HPCAL1: variants seen among roughly 807,000 people sequenced by gnomAD.
The protein encoded by HPCAL1 is hippocalcin like 1, also known as hippocalcin-like protein 1.
Under a neutral mutation model 17.1 loss-of-function variants are expected in HPCAL1, and 8 were observed. The ratio of observed to expected loss-of-function variants is 0.47; its 90% CI spans 0.27 to 0.84. The LOEUF is 0.84. Among genes scored for constraint, HPCAL1 ranks in the 40% least tolerant of loss-of-function variants. HPCAL1 has a pLI of 0.13. For synonymous variants in HPCAL1, 112 were observed against 111.4 expected (o/e 1.01, Z -0.03); for missense variants, 165 against 271.1 (o/e 0.61, Z 2.75).
intron 2 of HPCAL1, among the ~76,000 whole-genome samples, chr2:10,416,419 C>T (rs56156675): frequency 0.28 from 42,822 of 152,010 alleles, 7,767 homozygotes; most frequent in African/African-American, 0.52. Context: ...GAGTCCAGAG[C>T]TCACCTGGGT....
chr2:10,352,228 CA>C (rs1331431319), intron 1 of HPCAL1, among the ~76,000 whole-genome samples: 1 of 152,132 alleles, frequency 6.6e-6, no homozygotes, highest in Non-Finnish European at 1.5e-5. Flanking sequence ...GTGTGAACCG[CA>C]AGTGTTCTGC....
At chr2:10,402,554 G>T (rs1669687155) in intron 2 of HPCAL1, among the ~76,000 whole-genome samples, 1 of 152,164 alleles carries the variant, frequency 6.6e-6, no homozygotes, top group Admixed American at 6.5e-5. Flanking sequence ...GTTAACTCCA[G>T]ACTGTAGCTG....
rs1668647555 is a variant in HPCAL1 at position 10,390,912 on chromosome 2, T to C, written c.-110-5923T>C. 2.0e-5 allele frequency among the ~76,000 whole-genome samples: 3 copies of C among 152,176 alleles called. No individual in the cohort carries two copies. In the South Asian group the frequency reaches 6.2e-4, roughly 32 times the overall value. On this transcript the variant is annotated intron_variant, in intron 1 of 4. Transcript: ENST00000307845. The stretch of plus-strand genomic sequence containing the variant: ...GGAGTTGAGCGGAGAGTTCCTCCAG[T>C]CTAAACTCCTTAGAGAACATGAATA...
chr2:10,343,644 T>C lies in HPCAL1; in HGVS notation c.-111+40467T>C, dbSNP rs926913298. Among the ~76,000 whole-genome samples the C allele has an allele frequency of 6.6e-6, 1 of 152,228 alleles. No individual in the cohort carries two copies. The stretch of plus-strand genomic sequence containing the variant: ...CACTGCTTTGACTGCAGACACTGGA[T>C]TGACCGTGGCCAATGCCAAGTCCAA... On this transcript the variant is annotated intron_variant, in intron 1 of 4. Transcript: ENST00000307845. This position sits in a 1 kb window ranked among gnomAD's most constrained non-coding sequence, Gnocchi z 4.8.
chr2:10,312,378 C>T (rs546523473), intron 1 of HPCAL1, among the ~76,000 whole-genome samples: 2 of 95,460 alleles, frequency 2.1e-5, no homozygotes, highest in African/African-American at 3.5e-5. Context: ...CCATCACCAC[C>T]GTCATTGCTG....
chr2:10,400,279 G>A (rs945492637), intron 2 of HPCAL1, among the ~76,000 whole-genome samples: 11 of 152,218 alleles, frequency 7.2e-5, no homozygotes, highest in Admixed American at 4.6e-4. Flanking sequence ...AGACAGGTGC[G>A]AGCAGCATCT....
intron 1 of HPCAL1, among the ~76,000 whole-genome samples, chr2:10,375,190 C>T (rs575017355): frequency 6.6e-6 from 1 of 152,388 alleles, no homozygotes; most frequent in South Asian, 2.1e-4. Flanking sequence ...CCTGCCCCAG[C>T]AGGCCCTGGC....
At position 10,342,658 on chromosome 2, in the gene HPCAL1, T is replaced by G. The variant is rs1665169807; in HGVS notation, c.-111+39481T>G. On this transcript the variant is annotated intron_variant, in intron 1 of 4. Coordinates refer to ENST00000307845, the MANE Select transcript of HPCAL1 (RefSeq NM_002149.4). This position sits in a 1 kb window ranked among gnomAD's most constrained non-coding sequence, Gnocchi z 4.1. Reference sequence around the variant, plus strand: ...GCTGGCTGGAGGAACCCCGTGTGTTTGCACTGTGCTCTGAGCTCCCTCTCA... The same window carrying G: ...GCTGGCTGGAGGAACCCCGTGTGTTGGCACTGTGCTCTGAGCTCCCTCTCA... 6.6e-6 allele frequency among the ~76,000 whole-genome samples: 1 copy of G among 152,220 alleles called. No individual in the cohort carries two copies. Among genetic ancestry groups the G allele is most frequent in the Non-Finnish European group, 1.5e-5 (1 of 68,034 alleles).
intron 2 of HPCAL1, among the ~76,000 whole-genome samples, chr2:10,413,726 G>A (rs530568895): frequency 4.6e-5 from 7 of 152,350 alleles, no homozygotes; most frequent in South Asian, 4.1e-4. Context: ...GCAGATAAGT[G>A]TTATGAGTTT....
chr2:10,345,141 TTCTG>T (rs1467415389), intron 1 of HPCAL1, among the ~76,000 whole-genome samples: 2 of 151,958 alleles, frequency 1.3e-5, no homozygotes, highest in Non-Finnish European at 2.9e-5. Flanking sequence ...CTGTCTCTGT[TTCTG>T]TCTGTCTTGC....
intron 1 of HPCAL1, among the ~76,000 whole-genome samples, chr2:10,334,714 C>T (rs561751394): frequency 0.17 from 24,390 of 142,196 alleles, 2,964 homozygotes; most frequent in African/African-American, 0.3. Context: ...GAGGCAGGGT[C>T]TCGCTCTGTT....
At chr2:10,318,075 G>GA (rs1283144867) in intron 1 of HPCAL1, among the ~76,000 whole-genome samples, 1 of 152,092 alleles carries the variant, frequency 6.6e-6, no homozygotes, top group Non-Finnish European at 1.5e-5. Flanking sequence ...TTTTATACAT[G>GA]AAAAAAATCC....
intron 1 of HPCAL1, among the ~76,000 whole-genome samples, chr2:10,313,958 C>A (rs551955967): frequency 6.6e-6 from 1 of 151,814 alleles, no homozygotes; most frequent in Non-Finnish European, 1.5e-5. Context: ...TGGTGAAACC[C>A]CGTCTCTACT....
Position 10,362,316 on chromosome 2 carries a change from G to A in HPCAL1, c.-110-34519G>A, listed in dbSNP as rs1666571764. On this transcript the variant is annotated intron_variant, in intron 1 of 4. Coordinates refer to ENST00000307845, the MANE Select transcript of HPCAL1 (RefSeq NM_002149.4). The surrounding 1 kb of genome is among the most constrained non-coding windows in gnomAD (Gnocchi z 5.0). ...CTCAGTCCTGGAGTGGCAGCATGGG[G>A]GGCGGGGGCAGGAGCATGGGGGACA... 6.6e-6 allele frequency among the ~76,000 whole-genome samples: 1 copy of A among 152,132 alleles called. No homozygotes were observed.
At chr2:10,412,369 G>C (rs1670410127) in intron 2 of HPCAL1, among the ~76,000 whole-genome samples, 2 of 152,238 alleles carry the variant, frequency 1.3e-5, no homozygotes, top group Non-Finnish European at 2.9e-5. Context: ...TTGACTGCAG[G>C]CTGTGGTTCA....
At chr2:10,318,908 C>T (rs1663494337) in intron 1 of HPCAL1, among the ~76,000 whole-genome samples, 1 of 152,172 alleles carries the variant, frequency 6.6e-6, no homozygotes, top group Non-Finnish European at 1.5e-5. Context: ...TCCATGCCAG[C>T]CCTTGGGTCT....
rs879776730 is a variant in HPCAL1 at position 10,332,357 on chromosome 2, C to T, written c.-111+29180C>T. ...TCCTTTTTTCAAAGTTCCATCTGCCCACAGGTTTCCATTTTCTCTAGAACC... is the reference window on the plus strand; with the variant it reads ...TCCTTTTTTCAAAGTTCCATCTGCCTACAGGTTTCCATTTTCTCTAGAACC... On this transcript the variant is annotated intron_variant, in intron 1 of 4. Transcript: ENST00000307845. Among the ~76,000 whole-genome samples, 5 of 152,268 alleles carry T rather than the reference C, an allele frequency of 3.3e-5. No homozygotes were observed. The East Asian group carries it at 9.6e-4, about 29-fold the overall frequency.
intron 1 of HPCAL1, among the ~76,000 whole-genome samples, chr2:10,372,204 A>T (rs942803068): frequency 3.3e-5 from 5 of 152,246 alleles, no homozygotes; most frequent in Admixed American, 3.3e-4. Context: ...GAAAAATCGC[A>T]TCTCCAGGTC....
At chr2:10,387,421 C>T (rs552356664) in intron 1 of HPCAL1, among the ~76,000 whole-genome samples, 3 of 152,298 alleles carry the variant, frequency 2.0e-5, no homozygotes, top group Admixed American at 6.5e-5. Flanking sequence ...GTGTATTCCC[C>T]CACCCTCTCA....
Sources: allele counts gnomAD v4.1 joint callset (sites outside exome capture counted in the v4.1 genomes callset), GRCh38; gene constraint gnomAD v4.1.1; non-coding constraint Gnocchi (gnomAD v3.1); transcripts MANE v1.5; gene names NCBI Gene and HGNC (gene_info 2026-07-23, HGNC 2026-07-21).